Variants in ROBO1 observed in about 807,000 individuals in gnomAD.
ROBO1 encodes roundabout homolog 1.
A neutral mutation model predicts 195.9 loss-of-function variants in ROBO1; 149 were observed. The ratio of observed to expected loss-of-function variants is 0.76; its 90% CI spans 0.67 to 0.87. ROBO1 has a LOEUF of 0.87. Among genes scored for constraint, ROBO1 ranks in the 40% least tolerant of loss-of-function variants. The pLI is 0.00. For synonymous variants in ROBO1, 816 were observed against 733.2 expected (o/e 1.11, Z -1.82); for missense variants, 1,933 against 2,068.3 (o/e 0.93, Z 1.27).
chr3:79,477,571 C>T (rs73848884), intron 2 of ROBO1, among the ~76,000 whole-genome samples: 3 of 151,954 alleles, frequency 2.0e-5, no homozygotes, highest in Admixed American at 6.6e-5. Context: ...AAAACAAAAA[C>T]AACAAGTGGG....
chr3:79,200,032 G>A (rs2081732874), intron 2 of ROBO1, among the ~76,000 whole-genome samples: 1 of 151,620 alleles, frequency 6.6e-6, no homozygotes, highest in Admixed American at 6.6e-5. Flanking sequence ...AAAATAAGGA[G>A]GACCATCAAA....
At chr3:78,960,400 A>C (rs1296788819) in intron 3 of ROBO1, among the ~76,000 whole-genome samples, 2 of 150,126 alleles carry the variant, frequency 1.3e-5, no homozygotes, top group Non-Finnish European at 1.5e-5. Context: ...TGTAATATCT[A>C]TATTTCTATG....
intron 5 of ROBO1, among the ~76,000 whole-genome samples, chr3:78,720,421 G>T (rs370814223): frequency 1.3e-5 from 2 of 152,122 alleles, no homozygotes; most frequent in Non-Finnish European, 2.9e-5. Context: ...TTAGAATGGC[G>T]ATCATTAAAA....
At chr3:79,767,120 C>T (rs1250971414) in intron 1 of ROBO1, among the ~76,000 whole-genome samples, 1 of 152,120 alleles carries the variant, frequency 6.6e-6, no homozygotes, top group East Asian at 1.9e-4. Flanking sequence ...CAAGAGTTTA[C>T]CAAAATCCAC....
At chr3:79,144,255 G>A (rs2080594332) in intron 2 of ROBO1, among the ~76,000 whole-genome samples, 2 of 151,994 alleles carry the variant, frequency 1.3e-5, no homozygotes, top group African/African-American at 4.8e-5. Flanking sequence ...TAAAAGAACT[G>A]CCAAAATTGT....
intron 3 of ROBO1, among the ~76,000 whole-genome samples, chr3:78,977,125 G>A (rs2076900189): frequency 6.6e-6 from 1 of 152,086 alleles, no homozygotes; most frequent in Admixed American, 6.6e-5. Flanking sequence ...GGCCATTTAA[G>A]CAGAATATTT....
chr3:79,298,150 G>A (rs1456081915), intron 2 of ROBO1, among the ~76,000 whole-genome samples: 1 of 152,008 alleles, frequency 6.6e-6, no homozygotes, highest in African/African-American at 2.4e-5. Context: ...TATACCTCTG[G>A]GTAGAGAGAG....
At chr3:78,714,591 C>A in intron 7 of ROBO1, 67 bp from the exon 8 acceptor site, 5 of 1,422,388 alleles carry the variant, frequency 3.5e-6, no homozygotes, top group South Asian at 1.4e-5. Flanking sequence ...TTATTATACA[C>A]ACAATGCTTC....
At chr3:78,974,553 C>T (rs2076844544) in intron 3 of ROBO1, among the ~76,000 whole-genome samples, 1 of 152,130 alleles carries the variant, frequency 6.6e-6, no homozygotes, top group South Asian at 2.1e-4. Flanking sequence ...TACTCTGATA[C>T]TTGATCCTGG....
intron 2 of ROBO1, among the ~76,000 whole-genome samples, chr3:79,439,117 A>G (rs115733408): frequency 4.2e-4 from 64 of 152,216 alleles, no homozygotes; most frequent in African/African-American, 1.5e-3. Flanking sequence ...TGATGTGTTC[A>G]TAACATAATA....
intron 12 of ROBO1, 33 bp from the exon 13 acceptor site, chr3:78,668,335 T>C (rs926067419): frequency 1.2e-6 from 2 of 1,610,926 alleles, no homozygotes; most frequent in African/African-American, 1.3e-5. Flanking sequence ...AAATAAAAGA[T>C]GTTTACACAT....
At chr3:78,787,408 G>T (rs997518255) in intron 4 of ROBO1, among the ~76,000 whole-genome samples, 2 of 152,138 alleles carry the variant, frequency 1.3e-5, no homozygotes, top group African/African-American at 4.8e-5. Flanking sequence ...AAGCAAATCA[G>T]AATTTTTTTT....
chr3:79,718,909 T>C (rs1343433659), intron 1 of ROBO1, among the ~76,000 whole-genome samples: 1 of 152,098 alleles, frequency 6.6e-6, no homozygotes, highest in African/African-American at 2.4e-5. Flanking sequence ...AACCTGGATA[T>C]ACATTAGTTT....
intron 1 of ROBO1, among the ~76,000 whole-genome samples, chr3:79,665,465 A>T (rs1371356283): frequency 2.0e-5 from 3 of 151,932 alleles, no homozygotes; most frequent in African/African-American, 7.2e-5. Flanking sequence ...ATATTAGAAA[A>T]AATATTAGAA....
intron 3 of ROBO1, among the ~76,000 whole-genome samples, chr3:78,988,351 A>G (rs1236545862): frequency 1.3e-5 from 2 of 152,116 alleles, no homozygotes; most frequent in Non-Finnish European, 2.9e-5. Context: ...TTTAGGGAGG[A>G]TTTCAATTAG....
intron 4 of ROBO1, among the ~76,000 whole-genome samples, chr3:78,929,759 C>T (rs2039409884): frequency 6.6e-6 from 1 of 152,068 alleles, no homozygotes; most frequent in South Asian, 2.1e-4. Context: ...CCTACCTCAG[C>T]CTCCCAAACT....
intron 2 of ROBO1, among the ~76,000 whole-genome samples, chr3:79,250,023 T>A (rs1048188262): frequency 6.6e-6 from 1 of 152,144 alleles, no homozygotes; most frequent in East Asian, 1.9e-4. Flanking sequence ...AGGGAAGTAA[T>A]CACTAGTTTT....
chr3:78,798,886 T>G (rs1328408775), intron 4 of ROBO1, among the ~76,000 whole-genome samples: 2 of 152,196 alleles, frequency 1.3e-5, no homozygotes, highest in African/African-American at 4.8e-5. Context: ...GAATGGCGAC[T>G]AAGATGAAGG....
chr3:78,680,654 A>G (rs1179833641), intron 10 of ROBO1, among the ~76,000 whole-genome samples: 1 of 149,268 alleles, frequency 6.7e-6, no homozygotes, highest in East Asian at 1.9e-4. Flanking sequence ...CACCAGTTAG[A>G]ATGGCGATCA....
Sources: gnomAD v4.1 joint callset for allele counts (sites outside exome capture counted in the v4.1 genomes callset) on GRCh38, gnomAD v4.1.1 for gene constraint, MANE v1.5 for transcripts, NCBI Gene and HGNC (gene_info 2026-07-23, HGNC 2026-07-21) for gene names.